PPP4R2: variants seen among roughly 807,000 people sequenced by gnomAD.
PPP4R2 encodes serine/threonine-protein phosphatase 4 regulatory subunit 2.
PPP4R2 carries 13 observed loss-of-function variants against 47.2 expected under a neutral mutation model. The ratio of observed to expected loss-of-function variants is 0.28; its 90% CI spans 0.18 to 0.44. The LOEUF (loss-of-function observed/expected upper bound fraction) is 0.44, where lower values mean the gene tolerates loss of function less well. PPP4R2 is among the 20% of genes least tolerant of loss of function. The probability of loss-of-function intolerance (pLI) is 1.00; values close to 1 mark genes in which losing one functional copy is unlikely to be tolerated. For missense variants in PPP4R2, 421 were observed against 491.2 expected, an observed-to-expected ratio of 0.86 and a Z score of 1.35; for synonymous variants, 151 against 163.3, an observed-to-expected ratio of 0.92 and a Z score of 0.57.
At chr3:73,000,539 T>A (rs1701437561) in intron 2 of PPP4R2, among the ~76,000 whole-genome samples, 1 of 152,132 alleles carries the variant, frequency 6.6e-6, no homozygotes, top group South Asian at 2.1e-4. Flanking sequence ...GCTTTTACAA[T>A]GGAGGAGGTT....
chr3:73,063,965 A>G (rs201458444), intron 6 of PPP4R2, 38 bp from the exon 7 acceptor site: 26 of 1,547,762 alleles, frequency 1.7e-5, no homozygotes, highest in Non-Finnish European at 2.2e-5. Flanking sequence ...ATGACTTTTT[A>G]TAAAAATAGG....
At chr3:73,050,240 C>G in intron 3 of PPP4R2, among the ~76,000 whole-genome samples, 1 of 152,156 alleles carries the variant, frequency 6.6e-6, no homozygotes, top group East Asian at 1.9e-4. Flanking sequence ...GCTGGGATTA[C>G]AAGCTTGAGC....
chr3:73,023,599 A>G (rs1369894016), intron 2 of PPP4R2, among the ~76,000 whole-genome samples: 1 of 152,234 alleles, frequency 6.6e-6, no homozygotes, highest in African/African-American at 2.4e-5. Context: ...TTTTATTACA[A>G]AAGTAGGAAA....
chr3:73,062,402 C>T (rs758501430), intron 5 of PPP4R2: 4 of 1,607,516 alleles, frequency 2.5e-6, no homozygotes, highest in South Asian at 1.1e-5. Flanking sequence ...AAAAAGCAGC[C>T]AAGTCTATGC....
At chr3:73,001,009 G>T (rs1345658429) in intron 2 of PPP4R2, among the ~76,000 whole-genome samples, 2 of 152,088 alleles carry the variant, frequency 1.3e-5, no homozygotes, top group African/African-American at 4.8e-5. Flanking sequence ...CTTTTGACGT[G>T]ACCTTAGTAG....
intron 2 of PPP4R2, among the ~76,000 whole-genome samples, chr3:73,021,823 T>C (rs1392755991): frequency 6.6e-6 from 1 of 151,628 alleles, no homozygotes; most frequent in Non-Finnish European, 1.5e-5. Flanking sequence ...AAAATTACTT[T>C]AACAGTGAAG....
chr3:73,017,687 T>G (rs1193717113), intron 2 of PPP4R2, among the ~76,000 whole-genome samples: 8 of 152,138 alleles, frequency 5.3e-5, no homozygotes, highest in Non-Finnish European at 8.8e-5. Flanking sequence ...TGGAAGAACT[T>G]TGGAAGAAGC....
intron 3 of PPP4R2, among the ~76,000 whole-genome samples, chr3:73,054,577 T>C (rs1361218661): frequency 1.3e-5 from 2 of 152,192 alleles, no homozygotes; most frequent in Non-Finnish European, 2.9e-5. Context: ...AAAATCCACA[T>C]ATACATGGGT....
rs369370513 is a variant in PPP4R2, at chr3:73,003,779, A to G, written c.116+5621A>G. On this transcript the variant is annotated intron_variant, in intron 2 of 8. Transcript: ENST00000356692. ...AGTGGTGCGATCTTGACTCACTACA[A>G]CCTCCACCTCCTGGGTTCAAGCGAT... 2.6e-4 allele frequency among the ~76,000 whole-genome samples: 40 copies of G among 151,456 alleles called. 1 individual carries two copies. Among genetic ancestry groups the G allele is most frequent in the African/African-American group, 9.0e-4 (37 of 41,272 alleles).
At chr3:73,034,652 C>T (rs1488794563) in intron 2 of PPP4R2, among the ~76,000 whole-genome samples, 1 of 152,154 alleles carries the variant, frequency 6.6e-6, no homozygotes, top group African/African-American at 2.4e-5. Context: ...CCTACCTCAG[C>T]CTCCCAGGTA....
intron 2 of PPP4R2, among the ~76,000 whole-genome samples, chr3:73,010,663 A>G (rs529855325): frequency 1.8e-4 from 27 of 151,632 alleles, no homozygotes; most frequent in Admixed American, 1.8e-3. Context: ...GTTTCGAGCG[A>G]TTCTCTTGCC....
At chr3:73,001,950 C>G (rs575261952) in intron 2 of PPP4R2, among the ~76,000 whole-genome samples, 1 of 152,236 alleles carries the variant, frequency 6.6e-6, no homozygotes, top group African/African-American at 2.4e-5. Context: ...TTTAAGTGTA[C>G]AGTTTGGTGG....
chr3:73,066,801 G>A lies in PPP4R2; in HGVS notation c.*1079G>A, dbSNP rs1559573624. On this transcript the variant is annotated 3_prime_UTR_variant, in exon 9 of 9. Transcript: ENST00000356692. ...CTGAGCTAAATGACTGAAGCTTTAG[G>A]GGTGCATAGAAACCACCATAATTTG... 2 of 151,952 alleles carry A rather than the reference G, an allele frequency of 1.3e-5. No individual in the cohort carries two copies. Among genetic ancestry groups the A allele is most frequent in the African/African-American group, 4.8e-5 (2 of 41,382 alleles). 9.4% of individuals were successfully genotyped at this position (151,952 alleles called of 1,614,324 possible).
At chr3:72,999,663 G>A (rs960548082) in intron 2 of PPP4R2, among the ~76,000 whole-genome samples, 1 of 152,108 alleles carries the variant, frequency 6.6e-6, no homozygotes, top group Admixed American at 6.6e-5. Context: ...TTAATATCCT[G>A]TCTTACTGGA....
At position 73,047,237 on chromosome 3, in the gene PPP4R2, G is replaced by A; in HGVS notation, c.168G>A (p.Val56=). 1.9e-6 allele frequency: 3 copies of A among 1,601,050 alleles called. No homozygotes were observed. Among genetic ancestry groups the A allele is most frequent in the Non-Finnish European group, 2.6e-6 (3 of 1,172,252 alleles). Residue 56 remains valine, a synonymous_variant, in exon 3 of 9, where the codon GTG becomes GTA. Transcript: ENST00000356692. ...KGYFIFKLEK[V]MDDFRTSAPE... is the part of the protein sequence containing the mutation. ...ATTTTATTTTCAAACTGGAGAAAGT[G>A]ATGGATGATTTCAGAACTTCAGCTC...
At position 73,064,655 on chromosome 3, in the gene PPP4R2, C is replaced by T. The variant is rs369557035; in HGVS notation, c.639-197C>T. ...TGCACAGAAAGGTCATATAGCTTTTCTGAGTCCTACTGGGAATTATTCATC... is the reference window on the plus strand; with the variant it reads ...TGCACAGAAAGGTCATATAGCTTTTTTGAGTCCTACTGGGAATTATTCATC... On this transcript the variant is annotated intron_variant, in intron 7 of 8. Transcript: ENST00000356692. 2.0e-5 allele frequency among the ~76,000 whole-genome samples: 3 copies of T among 152,136 alleles called. No homozygotes were observed. In the East Asian group the frequency reaches 5.8e-4, roughly 29 times the overall value.
intron 3 of PPP4R2, among the ~76,000 whole-genome samples, chr3:73,048,333 A>C (rs925010344): frequency 5.9e-5 from 9 of 151,826 alleles, no homozygotes; most frequent in Non-Finnish European, 1.3e-4. Context: ...GCTCACCGCA[A>C]CCTCCGCCTG....
chr3:73,056,700 C>T (rs1221958556), intron 3 of PPP4R2, among the ~76,000 whole-genome samples: 1 of 152,142 alleles, frequency 6.6e-6, no homozygotes, highest in African/African-American at 2.4e-5. Flanking sequence ...TATGTAAACA[C>T]ATACCCCCCT....
intron 2 of PPP4R2, among the ~76,000 whole-genome samples, chr3:73,032,827 T>A (rs1190591866): frequency 6.6e-6 from 1 of 152,224 alleles, no homozygotes; most frequent in Non-Finnish European, 1.5e-5. Context: ...TTGTCTCTGT[T>A]AATGCTATTT....
Sources: gnomAD v4.1 joint callset for allele counts (sites outside exome capture counted in the v4.1 genomes callset) on GRCh38, gnomAD v4.1.1 for gene constraint, MANE v1.5 for transcripts, NCBI Gene and HGNC (gene_info 2026-07-23, HGNC 2026-07-21) for gene names.